RHOH: variants seen among roughly 807,000 people sequenced by gnomAD.
The protein encoded by RHOH is ras homolog family member H.
In RHOH, 6 loss-of-function variants were observed where a neutral mutation model predicts 13.8. That is an observed-to-expected ratio of 0.44 (90% CI 0.24 to 0.86). The LOEUF (loss-of-function observed/expected upper bound fraction) is 0.86. RHOH is among the 40% of genes least tolerant of loss of function. The probability of loss-of-function intolerance (pLI) is 0.24; values close to 1 mark genes in which losing one functional copy is unlikely to be tolerated. For missense variants in RHOH, 147 were observed against 244.5 expected (o/e 0.60, Z 2.66); for synonymous variants, 117 against 103.0 (o/e 1.14, Z -0.82).
chr4:40,233,446 C>T lies in RHOH; in HGVS notation c.-330-9268C>T, dbSNP rs114733389. Among the ~76,000 whole-genome samples the T allele has an allele frequency of 9.2e-3, 1,271 of 137,690 alleles. 12 individuals are homozygous for T. Among genetic ancestry groups the T allele is most frequent in the Non-Finnish European group, 0.012 (754 of 63,390 alleles). The allele number at this position is 137,690 out of a possible 152,430, so 90.3% of individuals were successfully genotyped here. A position where few individuals can be genotyped will look rare whatever the true frequency, so the allele number is the denominator to read the frequency against. On this transcript the variant is annotated intron_variant, in intron 1 of 2. Transcript: ENST00000381799. ...TGTCAAAGGAACCGAAGGTCAGAGACGTTAAGTAATTGCCCCAAGGTCACA... is the reference window on the plus strand; with the variant it reads ...TGTCAAAGGAACCGAAGGTCAGAGATGTTAAGTAATTGCCCCAAGGTCACA...
chr4:40,214,366 C>T lies in RHOH; in HGVS notation c.-331+17066C>T, dbSNP rs1379261743. 3.3e-5 allele frequency among the ~76,000 whole-genome samples: 5 copies of T among 152,314 alleles called. No homozygotes were observed. In the East Asian group the frequency reaches 9.6e-4, roughly 29 times the overall value. On this transcript the variant is annotated intron_variant, in intron 1 of 2. Transcript: ENST00000381799. ...GGGTTATGAGATTTCAGAAGGTTAGCTAATGCTTACGTCCTGGGGTGGGCT... is the reference window on the plus strand; with the variant it reads ...GGGTTATGAGATTTCAGAAGGTTAGTTAATGCTTACGTCCTGGGGTGGGCT...
At chr4:40,192,473 A>G (rs936105152), upstream of RHOH, among the ~76,000 whole-genome samples, 8 of 152,224 alleles carry the variant, frequency 5.3e-5, no homozygotes, top group Non-Finnish European at 8.8e-5. Context: ...TATTCATACA[A>G]TTACAATTGT....
chr4:40,220,608 A>T (rs1579286230), intron 1 of RHOH, among the ~76,000 whole-genome samples: 1 of 150,360 alleles, frequency 6.7e-6, no homozygotes, highest in African/African-American at 2.4e-5. Context: ...TTAACTAAGT[A>T]AAAAAAAAAA....
intron 1 of RHOH, among the ~76,000 whole-genome samples, chr4:40,224,185 T>C (rs939081629): frequency 6.6e-6 from 1 of 152,248 alleles, no homozygotes; most frequent in Non-Finnish European, 1.5e-5. Context: ...GTAAGGTATG[T>C]CTGTATATCA....
chr4:40,226,534 A>G (rs1009778623), intron 1 of RHOH, among the ~76,000 whole-genome samples: 1 of 149,074 alleles, frequency 6.7e-6, no homozygotes, highest in African/African-American at 2.6e-5. Context: ...CTCAAAAAAA[A>G]AAAAAAAAAA....
At chr4:40,208,601 G>A (rs1267933136) in intron 1 of RHOH, among the ~76,000 whole-genome samples, 1 of 152,032 alleles carries the variant, frequency 6.6e-6, no homozygotes, top group Admixed American at 6.6e-5. Flanking sequence ...TTTTTTAGGA[G>A]GCTTTCGAAA....
rs1305929229 is a variant in RHOH, at chr4:40,243,144, A to C, written c.-209-34A>C. The C allele has an allele frequency of 4.7e-6, 2 of 423,846 alleles. No individual in the cohort carries two copies. Among genetic ancestry groups the C allele is most frequent in the African/African-American group, 4.1e-5 (2 of 49,248 alleles). 26.3% of individuals were successfully genotyped at this position (423,846 alleles called of 1,614,324 possible). On this transcript the variant is annotated intron_variant, in intron 2 of 2. Transcript: ENST00000381799. This position sits in a 1 kb window ranked among gnomAD's most constrained non-coding sequence, Gnocchi z 6.2. The stretch of plus-strand genomic sequence containing the variant: ...TTCAAAAAAGGCAAGAAAGAAAGAA[A>C]GACTTCATTTTCCCCCTTCTCTTTC...
intron 1 of RHOH, among the ~76,000 whole-genome samples, chr4:40,233,040 C>T (rs1020240470): frequency 6.6e-6 from 1 of 152,164 alleles, no homozygotes; most frequent in African/African-American, 2.4e-5. Flanking sequence ...GTTCCAGGCA[C>T]TGTTTTAGGC....
chr4:40,196,659 C>G (rs927021168), upstream of RHOH, among the ~76,000 whole-genome samples: 1 of 149,742 alleles, frequency 6.7e-6, no homozygotes, highest in African/African-American at 2.5e-5. Flanking sequence ...GTTTCCTAAG[C>G]TCAAATTAAC....
intron 1 of RHOH, among the ~76,000 whole-genome samples, chr4:40,211,455 G>T (rs1725262152): frequency 6.6e-6 from 1 of 152,104 alleles, no homozygotes; most frequent in East Asian, 1.9e-4. Context: ...TGTATTTTTA[G>T]CAGAGACGGG....
At chr4:40,210,863 A>T (rs1202400608) in intron 1 of RHOH, among the ~76,000 whole-genome samples, 1 of 152,220 alleles carries the variant, frequency 6.6e-6, no homozygotes, top group Non-Finnish European at 1.5e-5. Flanking sequence ...AATTTCATGC[A>T]TGGGGCAATT....
chr4:40,198,528 G>T (rs971455794), intron 1 of RHOH, among the ~76,000 whole-genome samples: 6 of 152,238 alleles, frequency 3.9e-5, no homozygotes, highest in Non-Finnish European at 5.9e-5. Flanking sequence ...AATTCCATGT[G>T]AGAGGGAGCT....
chr4:40,208,210 G>T (rs933561476), intron 1 of RHOH, among the ~76,000 whole-genome samples: 5 of 152,124 alleles, frequency 3.3e-5, no homozygotes, highest in Non-Finnish European at 7.3e-5. Context: ...GAATTTAAAT[G>T]TTAGTGCTCC....
upstream of RHOH, among the ~76,000 whole-genome samples, chr4:40,193,278 T>C (rs2109325881): frequency 6.6e-6 from 1 of 152,236 alleles, no homozygotes; most frequent in East Asian, 1.9e-4. Context: ...TGTGGACCCA[T>C]GGTTTCCCTC....
At chr4:40,195,419 C>CCTTCCTTCCT (rs1560675597), upstream of RHOH, among the ~76,000 whole-genome samples, 4 of 120,538 alleles carry the variant, frequency 3.3e-5, no homozygotes, top group East Asian at 1.0e-3. Context: ...CCTTCCTTCC[C>CCTTCCTTCCT]TCCCCTTCTC....
intron 1 of RHOH, among the ~76,000 whole-genome samples, chr4:40,236,041 G>A (rs1431217589): frequency 6.6e-6 from 1 of 151,960 alleles, no homozygotes; most frequent in Non-Finnish European, 1.5e-5. Flanking sequence ...TTGAAACTGG[G>A]TCTGCATAGA....
chr4:40,210,083 TGTGTGC>T (rs1476614275), intron 1 of RHOH, among the ~76,000 whole-genome samples: 8 of 113,854 alleles, frequency 7.0e-5, no homozygotes, highest in African/African-American at 2.3e-4. Flanking sequence ...CTGATTACAT[TGTGTGC>T]GTGTGTGTGT....
intron 1 of RHOH, among the ~76,000 whole-genome samples, chr4:40,221,909 G>T (rs1726632279): frequency 6.6e-6 from 1 of 152,210 alleles, no homozygotes; most frequent in Non-Finnish European, 1.5e-5. Context: ...GAAATGAAAA[G>T]TTCAACTCCT....
intron 1 of RHOH, among the ~76,000 whole-genome samples, chr4:40,222,759 A>T (rs1366529180): frequency 1.3e-5 from 2 of 152,244 alleles, no homozygotes; most frequent in Admixed American, 6.5e-5. Flanking sequence ...ATTATTTAAG[A>T]ATACATTTTG....
Sources: allele counts gnomAD v4.1 joint callset (sites outside exome capture counted in the v4.1 genomes callset), GRCh38; gene constraint gnomAD v4.1.1; non-coding constraint Gnocchi (gnomAD v3.1); transcripts MANE v1.5; gene names NCBI Gene and HGNC (gene_info 2026-07-23, HGNC 2026-07-21).